The following HDAC9 variants were observed in gnomAD, a reference collection of about 807,000 sequenced individuals.
The protein encoded by HDAC9 is MEF-2 interacting transcription repressor (MITR) protein.
HDAC9 carries 41 observed loss-of-function variants against 139.4 expected under a neutral mutation model. That is an observed-to-expected ratio of 0.29 (90% confidence interval 0.23 to 0.38). The LOEUF (loss-of-function observed/expected upper bound fraction) is 0.38, where lower values mean the gene tolerates loss of function less well. Among genes scored for constraint, HDAC9 ranks in the 10% least tolerant of loss-of-function variants. The pLI is 1.00. For synonymous variants in HDAC9, 517 were observed against 476.2 expected (o/e 1.09, Z -1.12); for missense variants, 1,147 against 1,297.0 (o/e 0.88, Z 1.78).
At chr7:18,334,394 C>G (rs1003201523) in intron 1 of HDAC9, among the ~76,000 whole-genome samples, 1 of 151,226 alleles carries the variant, frequency 6.6e-6, no homozygotes, top group African/African-American at 2.4e-5. Context: ...AACATCTCAC[C>G]AGAGATGGAT....
chr7:18,367,538 G>C (rs1400813497), intron 1 of HDAC9, among the ~76,000 whole-genome samples: 2 of 152,020 alleles, frequency 1.3e-5, no homozygotes, highest in African/African-American at 4.8e-5. Context: ...ATTTTTAACT[G>C]CACTTTAATA....
chr7:18,371,720 A>G (rs767111309), intron 1 of HDAC9, among the ~76,000 whole-genome samples: 1 of 152,202 alleles, frequency 6.6e-6, no homozygotes, highest in East Asian at 1.9e-4. Context: ...AAAAATAATT[A>G]TGAGATCAAG....
chr7:18,959,311 C>A (rs1190207511), intron 24 of HDAC9, among the ~76,000 whole-genome samples: 1 of 152,014 alleles, frequency 6.6e-6, no homozygotes, highest in Admixed American at 6.6e-5. Flanking sequence ...CTGTGAAACC[C>A]CAAAACATGA....
In HDAC9 at chr7:18,232,620, T is replaced by C. The variant is rs1562774824; in HGVS notation, c.25+70271T>C. ...GCATGGATTCTAATGAATTCTTGTA[T>C]CTCTATTGCTCATGATATTTGCAGA... On this transcript the variant is annotated intron_variant, in intron 2 of 12. Transcript: ENST00000417496. Among the ~76,000 whole-genome samples, 3 of 152,220 alleles carry C rather than the reference T, an allele frequency of 2.0e-5. 1 individual carries two copies. The highest frequency in any genetic ancestry group is 4.4e-5 in the Non-Finnish European group (3 of 68,032).
rs5882682 is a variant in HDAC9, at chr7:18,834,528, CTT to C, written c.2467-925_2467-924del. Among the ~76,000 whole-genome samples, 125 of 138,078 alleles carry C rather than the reference CTT, an allele frequency of 9.1e-4. 2 individuals carry two copies. Among genetic ancestry groups the C allele is most frequent in the East Asian group, 4.4e-3 (21 of 4,792 alleles). 90.6% of individuals were successfully genotyped at this position (138,078 alleles called of 152,430 possible). On this transcript the variant is annotated intron_variant, in intron 19 of 25. Transcript: ENST00000686413. ...AAGAACTGTCAAGTTTTATATCAGG[CTT>C]TTTTTTTTTTTTTGAGTGGGAAAGA...
intron 1 of HDAC9, among the ~76,000 whole-genome samples, chr7:18,112,077 A>G (rs1018858627): frequency 6.6e-6 from 1 of 152,228 alleles, no homozygotes; most frequent in Admixed American, 6.5e-5. Context: ...AAAATATTAA[A>G]GCTCATCCTC....
At chr7:18,966,609 G>A (rs1490033723) in intron 24 of HDAC9, among the ~76,000 whole-genome samples, 1 of 152,120 alleles carries the variant, frequency 6.6e-6, no homozygotes, top group African/African-American at 2.4e-5. Context: ...GCTGAGGCAG[G>A]AGAATTGCTT....
intron 6 of HDAC9, among the ~76,000 whole-genome samples, chr7:18,607,606 G>A (rs1168503803): frequency 6.6e-6 from 1 of 152,148 alleles, no homozygotes; most frequent in Non-Finnish European, 1.5e-5. Flanking sequence ...GCCATATAAT[G>A]TAATTATTGA....
In HDAC9 at chr7:18,727,701, C is replaced by A; in HGVS notation, c.1853C>A (p.Ala618Asp). 6.3e-7 allele frequency: 1 copy of A among 1,583,164 alleles called. No homozygotes were observed. Among genetic ancestry groups the A allele is most frequent in the South Asian group, 1.2e-5 (1 of 85,744 alleles). The change falls in exon 13 of 26, where the codon GCC (alanine) becomes GAC (aspartate). Residue 618 changes from alanine (A) to aspartate (D), a missense_variant. This residue lies in a region of HDAC9 where 256 missense variants were observed against 219.2 expected (regional missense o/e 1.17). Coordinates refer to ENST00000686413, the MANE Select transcript of HDAC9 (RefSeq NM_178425.4). ...TCCAGGACTCACTCTTCCCCTGCTGCCTCTGTTTTACCTCACCCAGCAATG... is the reference window on the plus strand; with the variant it reads ...TCCAGGACTCACTCTTCCCCTGCTGACTCTGTTTTACCTCACCCAGCAATG... ...LVSRTHSSPAASVLPHPAMDR... is the reference protein window; with the variant it reads ...LVSRTHSSPADSVLPHPAMDR...
intron 24 of HDAC9, 150 bp downstream of exon 24, chr7:18,954,380 G>A (rs1269543217): frequency 3.0e-5 from 19 of 625,748 alleles, no homozygotes; most frequent in Non-Finnish European, 4.0e-5. Flanking sequence ...TGCTCTTAAT[G>A]CAGCAATCTT....
At chr7:18,645,764 A>G (rs1160072441) in intron 9 of HDAC9, among the ~76,000 whole-genome samples, 1 of 152,180 alleles carries the variant, frequency 6.6e-6, no homozygotes, top group African/African-American at 2.4e-5. Context: ...TCCAACTCTC[A>G]TCACCAGTTT....
chr7:18,693,335 T>C (rs1353094417), intron 12 of HDAC9, among the ~76,000 whole-genome samples: 1 of 152,144 alleles, frequency 6.6e-6, no homozygotes, highest in Admixed American at 6.6e-5. Flanking sequence ...CTAAAGGAAT[T>C]CTTTAATTAT....
intron 1 of HDAC9, among the ~76,000 whole-genome samples, chr7:18,106,897 G>A (rs2128078273): frequency 6.6e-6 from 1 of 152,190 alleles, no homozygotes; most frequent in African/African-American, 2.4e-5. Flanking sequence ...ACTTAATAGG[G>A]GGATTATGTA....
At chr7:18,603,916 T>C (rs1016802780) in intron 6 of HDAC9, among the ~76,000 whole-genome samples, 2 of 152,130 alleles carry the variant, frequency 1.3e-5, no homozygotes, top group Non-Finnish European at 2.9e-5. Flanking sequence ...TTTTTAAAAT[T>C]TTTTTGGCAA....
chr7:18,348,434 A>C (rs987081435), intron 1 of HDAC9, among the ~76,000 whole-genome samples: 1 of 152,060 alleles, frequency 6.6e-6, no homozygotes, highest in Non-Finnish European at 1.5e-5. Context: ...ATAATACCTT[A>C]CTCATGGATT....
intron 6 of HDAC9, among the ~76,000 whole-genome samples, chr7:18,627,680 T>G (rs776503664): frequency 1.1e-4 from 17 of 152,132 alleles, no homozygotes; most frequent in African/African-American, 2.7e-4. Flanking sequence ...TTGGTTGGTT[T>G]GTTTGCCTTC....
intron 1 of HDAC9, chr7:18,327,677 CAGAAAATTGAA>C (rs1365688839): frequency 6.6e-6 from 1 of 151,764 alleles, no homozygotes; most frequent in African/African-American, 2.4e-5. Flanking sequence ...TATTAATTAT[CAGAAAATTGAA>C]GATAAAGTTG....
At chr7:18,618,017 T>A (rs2128931251) in intron 6 of HDAC9, among the ~76,000 whole-genome samples, 1 of 152,306 alleles carries the variant, frequency 6.6e-6, no homozygotes, top group African/African-American at 2.4e-5. Context: ...TTAAATATTA[T>A]TTTATTTTAA....
intron 1 of HDAC9, among the ~76,000 whole-genome samples, chr7:18,435,838 T>C (rs1277016768): frequency 6.6e-6 from 1 of 150,808 alleles, no homozygotes; most frequent in Non-Finnish European, 1.5e-5. Flanking sequence ...TGGAAAGATG[T>C]CCAAGACATG....
Sources: gnomAD v4.1 joint callset for allele counts (sites outside exome capture counted in the v4.1 genomes callset) on GRCh38, gnomAD v4.1.1 for gene constraint, gnomAD v4.1.1 regional missense constraint, MANE v1.5 for transcripts, NCBI Gene and HGNC (gene_info 2026-07-23, HGNC 2026-07-21) for gene names.